MARCHF1: variants seen among roughly 807,000 people sequenced by gnomAD.
MARCHF1 encodes E3 ubiquitin-protein ligase MARCHF1.
Under a neutral mutation model 54.2 loss-of-function variants are expected in MARCHF1, and 40 were observed. The observed-to-expected ratio is 0.74, with a 90% CI of 0.57 to 0.96. The LOEUF is 0.96. Ranked by LOEUF, MARCHF1 falls within the 40% of genes least tolerant of loss-of-function variation. The probability of loss-of-function intolerance (pLI) is 0.00; values close to 1 mark genes in which losing one functional copy is unlikely to be tolerated. For synonymous variants in MARCHF1, 236 were observed against 236.3 expected, an observed-to-expected ratio of 1.00 and a Z score of 0.01; for missense variants, 586 against 656.5, an observed-to-expected ratio of 0.89 and a Z score of 1.17.
At chr4:164,320,470 G>C (rs1034572696) in intron 1 of MARCHF1, among the ~76,000 whole-genome samples, 7 of 152,158 alleles carry the variant, frequency 4.6e-5, no homozygotes, top group Non-Finnish European at 1.0e-4. Flanking sequence ...TGGAAGGAAA[G>C]GGACAACCGT....
At chr4:164,045,530 A>G (rs1244426662) in intron 2 of MARCHF1, among the ~76,000 whole-genome samples, 3 of 151,332 alleles carry the variant, frequency 2.0e-5, no homozygotes, top group Non-Finnish European at 4.4e-5. Context: ...TAAATAAATA[A>G]ATAAATAAAT....
chr4:164,235,752 G>T (rs918947741), intron 1 of MARCHF1, among the ~76,000 whole-genome samples: 1 of 151,538 alleles, frequency 6.6e-6, no homozygotes, highest in Non-Finnish European at 1.5e-5. Context: ...AGTGGGAGGG[G>T]CCCTGGGGAT....
At chr4:163,947,229 A>G (rs1276643510) in intron 3 of MARCHF1, among the ~76,000 whole-genome samples, 1 of 152,218 alleles carries the variant, frequency 6.6e-6, no homozygotes, top group East Asian at 1.9e-4. Flanking sequence ...GTCTAAAAAT[A>G]CTAGATTTTT....
At chr4:164,181,682 A>G (rs1216304461) in intron 1 of MARCHF1, among the ~76,000 whole-genome samples, 1 of 152,218 alleles carries the variant, frequency 6.6e-6, no homozygotes, top group Non-Finnish European at 1.5e-5. Flanking sequence ...TAGTACGATG[A>G]AATAGATGTG....
intron 1 of MARCHF1, among the ~76,000 whole-genome samples, chr4:164,236,689 G>A (rs1051458780): frequency 6.6e-6 from 1 of 152,086 alleles, no homozygotes; most frequent in African/African-American, 2.4e-5. Flanking sequence ...AGTGCCAAGG[G>A]TATTGATTTT....
chr4:163,916,065 G>A (rs770862966), intron 3 of MARCHF1, among the ~76,000 whole-genome samples: 3 of 152,164 alleles, frequency 2.0e-5, no homozygotes, highest in Non-Finnish European at 4.4e-5. Flanking sequence ...ATTTGAATCT[G>A]CTGTAAACTG....
chr4:164,162,112 C>T (rs1441186347), intron 1 of MARCHF1, among the ~76,000 whole-genome samples: 1 of 152,012 alleles, frequency 6.6e-6, no homozygotes, highest in Non-Finnish European at 1.5e-5. Flanking sequence ...TATCAGACAG[C>T]ATATAAAAGA....
At chr4:163,755,399 C>T (rs139604792) in intron 4 of MARCHF1, among the ~76,000 whole-genome samples, 1 of 152,258 alleles carries the variant, frequency 6.6e-6, no homozygotes, top group East Asian at 1.9e-4. Context: ...GCAGGTAAAG[C>T]CTACTCTGCC....
chr4:163,716,676 C>T (rs563780608), intron 4 of MARCHF1, among the ~76,000 whole-genome samples: 1 of 152,140 alleles, frequency 6.6e-6, no homozygotes, highest in African/African-American at 2.4e-5. Context: ...GGACCAGTGC[C>T]AAAATCACCA....
intron 1 of MARCHF1, among the ~76,000 whole-genome samples, chr4:164,173,972 C>T (rs28569088): frequency 0.63 from 95,432 of 152,058 alleles, 30,349 homozygotes; most frequent in African/African-American, 0.68. Flanking sequence ...AAAGAATAGC[C>T]AGGGAGGTTA....
At chr4:163,792,525 A>G (rs558657240) in intron 4 of MARCHF1, among the ~76,000 whole-genome samples, 21 of 152,202 alleles carry the variant, frequency 1.4e-4, no homozygotes, top group African/African-American at 5.1e-4. Context: ...TTATATATAT[A>G]TAATTCTTTT....
intron 5 of MARCHF1, among the ~76,000 whole-genome samples, chr4:163,642,449 T>TA (rs1742588053): frequency 6.6e-6 from 1 of 152,338 alleles, no homozygotes; most frequent in East Asian, 1.9e-4. Flanking sequence ...CTATTTGCTT[T>TA]AAAATATGTG....
At chr4:163,558,082 G>C (rs565526259) in intron 8 of MARCHF1, among the ~76,000 whole-genome samples, 2 of 152,322 alleles carry the variant, frequency 1.3e-5, no homozygotes, top group East Asian at 1.9e-4. Context: ...GCATGGAATA[G>C]AGATTTGTCT....
At chr4:164,121,921 T>C (rs1436492569) in intron 1 of MARCHF1, among the ~76,000 whole-genome samples, 3 of 152,062 alleles carry the variant, frequency 2.0e-5, no homozygotes, top group Non-Finnish European at 4.4e-5. Context: ...ATATCTCTGA[T>C]GAATATTGAT....
chr4:164,379,582 A>G (rs1248883083), intron 1 of MARCHF1, among the ~76,000 whole-genome samples: 1 of 152,256 alleles, frequency 6.6e-6, no homozygotes, highest in Non-Finnish European at 1.5e-5. Context: ...AGAAAACTAA[A>G]GAAAATAATG....
chr4:164,193,261 C>T (rs965390089), intron 1 of MARCHF1, among the ~76,000 whole-genome samples: 5 of 152,026 alleles, frequency 3.3e-5, no homozygotes, highest in South Asian at 2.1e-4. Flanking sequence ...TCCTTGATTC[C>T]AAGAAAATCT....
intron 1 of MARCHF1, among the ~76,000 whole-genome samples, chr4:164,276,947 TAGAGAGAGAGAGAG>T: frequency 8.4e-6 from 1 of 118,802 alleles, no homozygotes; most frequent in South Asian, 3.5e-4. Flanking sequence ...TATATATATA[TAGAGAGAGAGAGAG>T]AGAGAGACAG....
intron 3 of MARCHF1, among the ~76,000 whole-genome samples, chr4:163,867,503 A>C (rs1750078819): frequency 1.3e-5 from 2 of 151,646 alleles, no homozygotes; most frequent in Non-Finnish European, 2.9e-5. Context: ...TATTATATAT[A>C]ATCTAATTAG....
intron 3 of MARCHF1, among the ~76,000 whole-genome samples, chr4:163,872,904 C>T (rs1043608714): frequency 9.9e-5 from 15 of 151,932 alleles, no homozygotes; most frequent in South Asian, 4.2e-4. Flanking sequence ...ATTAGCCGGG[C>T]GTGGTGGCGG....
Sources: allele counts gnomAD v4.1 joint callset (sites outside exome capture counted in the v4.1 genomes callset), GRCh38; gene constraint gnomAD v4.1.1; transcripts MANE v1.5; gene names NCBI Gene and HGNC (gene_info 2026-07-23, HGNC 2026-07-21).